The following MGST3 variants were observed in gnomAD, a reference collection of about 807,000 sequenced individuals.
MGST3 encodes microsomal glutathione S-transferase 3.
A neutral mutation model predicts 15.8 loss-of-function variants in MGST3; 13 were observed. The observed-to-expected ratio is 0.82, with a 90% CI of 0.54 to 1.31. MGST3 has a LOEUF of 1.31. Ranked by LOEUF, MGST3 falls within the 50% of genes most tolerant of loss-of-function variation. The pLI is 0.00. For missense variants in MGST3, 155 were observed against 192.4 expected (o/e 0.81, Z 1.15); for synonymous variants, 49 against 68.1 (o/e 0.72, Z 1.38).
intron 1 of MGST3, chr1:165,635,718 C>A (rs9333400): frequency 2.8e-4 from 42 of 152,180 alleles, no homozygotes; most frequent in African/African-American, 9.6e-4. Flanking sequence ...ACATATTTAT[C>A]TCTTAAAGGG....
chr1:165,641,169 C>G (rs184746509), intron 1 of MGST3, among the ~76,000 whole-genome samples: 2 of 145,820 alleles, frequency 1.4e-5, no homozygotes, highest in African/African-American at 4.9e-5. Flanking sequence ...GGGGGAAGAG[C>G]AAAACTTTGT....
chr1:165,649,744 T>C, intron 1 of MGST3, 97 bp from the exon 2 acceptor site: 1 of 1,472,156 alleles, frequency 6.8e-7, no homozygotes, highest in South Asian at 1.1e-5. Flanking sequence ...CTCTATTTAC[T>C]CATTTGCCAG....
At position 165,651,555 on chromosome 1, in the gene MGST3, G is replaced by A. The variant is rs11799886; in HGVS notation, c.192-423G>A. The A allele has an allele frequency of 0.14, 42,635 of 297,952 alleles. 3,556 individuals are homozygous for A. The highest frequency in any genetic ancestry group is 0.17 in the Non-Finnish European group (26,727 of 155,560). 18.5% of individuals were successfully genotyped at this position (297,952 alleles called of 1,614,324 possible). A position where few individuals can be genotyped will look rare whatever the true frequency, so the allele number is the denominator to read the frequency against. ...GATAGTGACCAGGTCTTCTCCCTGC[G>A]GTGAATGTTTATTTTTACCCCCAAG... On this transcript the variant is annotated intron_variant, in intron 3 of 5. Transcript: ENST00000367889.
chr1:165,651,994 C>T lies in MGST3; in HGVS notation c.208C>T (p.Pro70Ser), dbSNP rs759571797. 9.3e-6 allele frequency: 15 copies of T among 1,613,258 alleles called. 1 individual carries two copies. The highest frequency in any genetic ancestry group is 2.7e-5 in the African/African-American group (2 of 74,818). Residue 70 changes from proline to serine, a missense_variant, in exon 4 of 6, where the codon CCC (proline) becomes TCC (serine). Pro to Ser is a moderately conservative substitution (Grantham distance 74, BLOSUM62 -1). Transcript: ENST00000367889. ...CAATTCCAGGTTGGAAGTGTATCCT[C>T]CCTTCTTATTTTTTCTAGCTGTTGG... ...AHQNTLEVYPPFLFFLAVGGV... is the reference protein window; with the variant it reads ...AHQNTLEVYPSFLFFLAVGGV...
At chr1:165,643,095 T>G (rs1648303371) in intron 1 of MGST3, among the ~76,000 whole-genome samples, 1 of 152,232 alleles carries the variant, frequency 6.6e-6, no homozygotes, top group African/African-American at 2.4e-5. Flanking sequence ...AATACTTTCT[T>G]AATTTTTTTC....
At chr1:165,654,057 C>G in intron 4 of MGST3, 1 of 539,246 alleles carries the variant, frequency 1.9e-6, no homozygotes. Flanking sequence ...AAGGCCAATA[C>G]TCATCTCCCA....
rs555257067 is a variant in MGST3, at chr1:165,654,279, C to T, written c.250C>T (p.Arg84Cys). 1.6e-5 allele frequency: 26 copies of T among 1,613,834 alleles called. No individual in the cohort carries two copies. In the East Asian group the frequency reaches 2.9e-4, roughly 18 times the overall value. The change falls in exon 5 of 6, where the codon CGT becomes TGT. Residue 84 changes from arginine (R) to cysteine (C), a missense_variant and splice_region_variant. Transcript: ENST00000367889. ...TACTAATGTAGCCCTTTTTTCTTAG[C>T]GTATAGCTTCTGGCCTGGGCTTGGC... ...FLAVGGVYHP[R>C]IASGLGLAWI...
intron 1 of MGST3, chr1:165,649,592 G>A (rs1648499499): frequency 4.3e-6 from 2 of 463,532 alleles, no homozygotes; most frequent in South Asian, 2.3e-5. Flanking sequence ...AATCTCCCAG[G>A]CACAAAAGAG....
chr1:165,634,361 A>T (rs1648041424), intron 1 of MGST3, among the ~76,000 whole-genome samples: 1 of 152,144 alleles, frequency 6.6e-6, no homozygotes, highest in South Asian at 2.1e-4. Context: ...AATGGGAGTA[A>T]TATCATAGGG....
rs147975187 is a variant in MGST3 at position 165,649,443 on chromosome 1, C to T, written c.-7-398C>T. ...CATGTCCTGCTCCTCTCACTCCCTC[C>T]CTCCCCCTCCCTATGTAATGTATAC... On this transcript the variant is annotated intron_variant, in intron 1 of 5. Transcript: ENST00000367889. The T allele has an allele frequency of 1.1e-3, 209 of 190,302 alleles. 2 individuals are homozygous for T. Among genetic ancestry groups the T allele is most frequent in the Non-Finnish European group, 2.0e-3 (180 of 91,638 alleles). The allele number at this position is 190,302 out of a possible 1,614,324, so 11.8% of individuals were successfully genotyped here.
At chr1:165,652,462 G>A (rs1339523615) in intron 4 of MGST3, among the ~76,000 whole-genome samples, 3 of 148,522 alleles carry the variant, frequency 2.0e-5, no homozygotes, top group South Asian at 2.1e-4. Flanking sequence ...GTGGGGTGTG[G>A]GGTGGTCACA....
intron 3 of MGST3, chr1:165,651,388 G>A: frequency 2.2e-6 from 1 of 444,700 alleles, no homozygotes; most frequent in East Asian, 4.6e-5. Context: ...CCAGGCCTAG[G>A]GAGTGAAGAG....
At chr1:165,640,780 T>C (rs568141533) in intron 1 of MGST3, among the ~76,000 whole-genome samples, 13 of 152,294 alleles carry the variant, frequency 8.5e-5, no homozygotes, top group African/African-American at 3.1e-4. Flanking sequence ...AAAGAGCACA[T>C]AGTCCATCTA....
chr1:165,637,593 C>T (rs1004308198), intron 1 of MGST3, among the ~76,000 whole-genome samples: 1 of 152,090 alleles, frequency 6.6e-6, no homozygotes, highest in Non-Finnish European at 1.5e-5. Context: ...AGCCTTGCAA[C>T]CAAAGGAACC....
At chr1:165,653,701 T>C (rs529963436) in intron 4 of MGST3, 2 of 156,190 alleles carry the variant, frequency 1.3e-5, no homozygotes, top group African/African-American at 4.8e-5. Context: ...CTCAAGGACA[T>C]TGGGAACAGG....
In MGST3 at chr1:165,640,742, T is replaced by C. The variant is rs551307313; in HGVS notation, c.-7-9099T>C. Reference sequence around the variant, plus strand: ...TTCATGCAAGTTGCTATAAAAAATATAAGCAAGGAGACACGCTCTCTGTCC... The same window carrying C: ...TTCATGCAAGTTGCTATAAAAAATACAAGCAAGGAGACACGCTCTCTGTCC... On this transcript the variant is annotated intron_variant, in intron 1 of 5. Transcript: ENST00000367889. 1.9e-4 allele frequency among the ~76,000 whole-genome samples: 29 copies of C among 152,220 alleles called. 1 individual carries two copies. In the South Asian group the frequency reaches 5.8e-3, roughly 30 times the overall value.
chr1:165,650,013 C>G, intron 2 of MGST3, 49 bp downstream of exon 2: 1 of 1,611,290 alleles, frequency 6.2e-7, no homozygotes, highest in African/African-American at 1.3e-5. Flanking sequence ...CTGGGGGCCA[C>G]AGGCTTAGCC....
At chr1:165,652,600 G>A (rs758388648) in intron 4 of MGST3, among the ~76,000 whole-genome samples, 8 of 152,190 alleles carry the variant, frequency 5.3e-5, no homozygotes, top group Non-Finnish European at 1.2e-4. Context: ...GTCAGGGAGG[G>A]GGGCTTTGCT....
intron 1 of MGST3, among the ~76,000 whole-genome samples, chr1:165,640,030 G>C (rs1648222301): frequency 6.6e-6 from 1 of 152,132 alleles, no homozygotes; most frequent in South Asian, 2.1e-4. Flanking sequence ...TATTAGAAGG[G>C]ATGATCCCAG....
Sources: gnomAD v4.1 joint callset for allele counts (sites outside exome capture counted in the v4.1 genomes callset) on GRCh38, gnomAD v4.1.1 for gene constraint, MANE v1.5 for transcripts, NCBI Gene and HGNC (gene_info 2026-07-23, HGNC 2026-07-21) for gene names.